Variants in ZNF141 observed in about 807,000 individuals in gnomAD.
ZNF141 encodes zinc finger protein 141 (clone pHZ-44).
ZNF141 carries 7 observed loss-of-function variants against 11.3 expected under a neutral mutation model. The ratio of observed to expected loss-of-function variants is 0.62; its 90% confidence interval spans 0.35 to 1.16. The LOEUF (loss-of-function observed/expected upper bound fraction) is 1.16, where lower values mean the gene tolerates loss of function less well. Ranked by LOEUF, ZNF141 falls within the 50% of genes most tolerant of loss-of-function variation. The pLI is 0.02. For missense variants in ZNF141, 535 were observed against 554.0 expected (o/e 0.97, Z 0.34); for synonymous variants, 183 against 190.7 (o/e 0.96, Z 0.33).
chr4:339,038 T>C (rs999337596), intron 1 of ZNF141, among the ~76,000 whole-genome samples: 3 of 152,202 alleles, frequency 2.0e-5, no homozygotes, highest in African/African-American at 7.2e-5. Flanking sequence ...ATCCCTTCCC[T>C]GCACCCTGCT....
intron 3 of ZNF141, among the ~76,000 whole-genome samples, chr4:357,926 G>A (rs1338598097): frequency 2.6e-5 from 4 of 151,442 alleles, no homozygotes; most frequent in Non-Finnish European, 5.9e-5. Context: ...TCGCCATGTT[G>A]GCCAGGATGG....
At chr4:338,017 TGAG>T (rs1720871655) in intron 1 of ZNF141, 31 bp downstream of exon 1, 1 of 1,612,548 alleles carries the variant, frequency 6.2e-7, no homozygotes, top group African/African-American at 1.3e-5. Flanking sequence ...GTCCCAAGGC[TGAG>T]GAGGTCTCAT....
intron 1 of ZNF141, among the ~76,000 whole-genome samples, chr4:343,536 T>C (rs2108683528): frequency 6.6e-6 from 1 of 151,778 alleles, no homozygotes; most frequent in Non-Finnish European, 1.5e-5. Context: ...CCATCCTGGC[T>C]AATATGGTGA....
intron 1 of ZNF141, 72 bp from the exon 2 acceptor site, chr4:343,710 G>A: frequency 2.3e-6 from 3 of 1,302,780 alleles, no homozygotes; most frequent in Non-Finnish European, 2.0e-6. Flanking sequence ...GGGTGACAGA[G>A]CGAGACTCCG....
chr4:352,880 T>C (rs577333365), intron 3 of ZNF141, among the ~76,000 whole-genome samples: 1 of 152,302 alleles, frequency 6.6e-6, no homozygotes, highest in South Asian at 2.1e-4. Context: ...CCATGATTTA[T>C]AGTCAGTTGC....
At position 373,771 on chromosome 4, in the gene ZNF141, A is replaced by G. The variant is rs1553854127; in HGVS notation, c.1334A>G (p.His445Arg). Residue 445 changes from histidine (H) to arginine (R), a missense_variant, in exon 4 of 4, where the codon CAT becomes CGT. Physicochemically the swap from His to Arg is conservative, Grantham distance 29. Coordinates refer to ENST00000240499, the MANE Select transcript of ZNF141 (RefSeq NM_003441.4). ...CTCCTGAGTCAACATAAGAAAATTC[A>G]TACTGTAGATAAACCCTACAAATGT... Reference protein sequence around the residue: ...FSLLSQHKKIHTVDKPYKCKD... With the variant: ...FSLLSQHKKIRTVDKPYKCKD... The G allele has an allele frequency of 6.2e-7, 1 of 1,614,052 alleles. No individual in the cohort carries two copies. The highest frequency in any genetic ancestry group is 1.3e-5 in the African/African-American group (1 of 74,944).
intron 3 of ZNF141, among the ~76,000 whole-genome samples, chr4:349,727 C>T (rs1236499819): frequency 6.6e-6 from 1 of 152,090 alleles, no homozygotes; most frequent in Non-Finnish European, 1.5e-5. Flanking sequence ...GCTGTGGGGT[C>T]TGCCTTTGAT....
Position 377,749 on chromosome 4 carries a change from G to C in ZNF141, c.*3887G>C, listed in dbSNP as rs1340789010. On this transcript the variant is annotated 3_prime_UTR_variant, in exon 4 of 4. Transcript: ENST00000240499. ...AAATTGTATGAGATTCTATCATAAA[G>C]TGTGTAAAATGTAACAAAAGTTAGA... Among the ~76,000 whole-genome samples the C allele has an allele frequency of 6.6e-6, 1 of 152,210 alleles. No individual in the cohort carries two copies. Among genetic ancestry groups the C allele is most frequent in the African/African-American group, 2.4e-5 (1 of 41,464 alleles).
rs1553855455 is a variant in ZNF141, at chr4:380,770, A to G, written c.*6908A>G. ...AAAATGACTTGCTCACAACACAGGC[A>G]ACTTTGACTCTAGAGATAACACTTA... is the stretch of plus-strand genomic sequence containing the variant. On this transcript the variant is annotated 3_prime_UTR_variant, in exon 4 of 4. Transcript: ENST00000240499. Among the ~76,000 whole-genome samples, 1 of 152,206 alleles carries G rather than the reference A, an allele frequency of 6.6e-6. No homozygotes were observed. The highest frequency in any genetic ancestry group is 2.4e-5 in the African/African-American group (1 of 41,452).
In ZNF141 at chr4:373,999, A is replaced by G. The variant is rs1368200393; in HGVS notation, c.*137A>G. ...GCAAAGTTCTTTACCTCATTCTCAA[A>G]CCTTGATAAACATAAGAGAATTCAT... On this transcript the variant is annotated 3_prime_UTR_variant, in exon 4 of 4. Transcript: ENST00000240499. The G allele has an allele frequency of 1.3e-6, 1 of 764,698 alleles. No individual in the cohort carries two copies. Among genetic ancestry groups the G allele is most frequent in the African/African-American group, 1.7e-5 (1 of 57,204 alleles). 47.4% of individuals were successfully genotyped at this position (764,698 alleles called of 1,614,324 possible).
intron 3 of ZNF141, among the ~76,000 whole-genome samples, chr4:346,893 A>ACACACCCCCC (rs373224939): frequency 3.0e-5 from 4 of 135,434 alleles, no homozygotes; most frequent in Non-Finnish European, 4.6e-5. Context: ...ACACACACAC[A>ACACACCCCCC]CCGCCCCCCC....
chr4:358,183 CTTTTT>C (rs575102486), intron 3 of ZNF141: 49 of 301,744 alleles, frequency 1.6e-4, no homozygotes, highest in Middle Eastern at 1.2e-3. Context: ...GTTTCTCGTT[CTTTTT>C]TTTTTTTTTT....
In ZNF141 at chr4:373,449, C is replaced by G. The variant is rs1230197333; in HGVS notation, c.1012C>G (p.Pro338Ala). ...KHKRIHTGEKPYTCEECGKAF... is the reference protein window; with the variant it reads ...KHKRIHTGEKAYTCEECGKAF... ...TAAGAGAATTCATACTGGAGAGAAACCCTACACATGTGAAGAATGTGGCAA... is the reference window on the plus strand; with the variant it reads ...TAAGAGAATTCATACTGGAGAGAAAGCCTACACATGTGAAGAATGTGGCAA... Residue 338 changes from proline (P) to alanine (A), a missense_variant, in exon 4 of 4, where the codon CCC becomes GCC. By Grantham distance (27) the Pro-to-Ala change is conservative. Coordinates refer to ENST00000240499, the MANE Select transcript of ZNF141 (RefSeq NM_003441.4). The G allele has an allele frequency of 6.2e-7, 1 of 1,613,960 alleles. No homozygotes were observed. Among genetic ancestry groups the G allele is most frequent in the East Asian group, 2.2e-5 (1 of 44,890 alleles).
rs1553854192 is a variant in ZNF141 at position 373,951 on chromosome 4, A to G, written c.*89A>G. The G allele has an allele frequency of 1.7e-6, 2 of 1,206,998 alleles. No individual in the cohort carries two copies. Among genetic ancestry groups the G allele is most frequent in the African/African-American group, 1.5e-5 (1 of 65,400 alleles). 74.8% of individuals were successfully genotyped at this position (1,206,998 alleles called of 1,614,324 possible). On this transcript the variant is annotated 3_prime_UTR_variant, in exon 4 of 4. Transcript: ENST00000240499. ...ATGAGAAAATTTATACTGTAGAGAA[A>G]CCCTGGAAATGTGAAGAACGTGGCA...
chr4:337,860 T>C lies in ZNF141; in HGVS notation c.-124T>C, dbSNP rs529395169. 7.0e-5 allele frequency: 94 copies of C among 1,336,028 alleles called. No individual in the cohort carries two copies. The highest frequency in any genetic ancestry group is 1.8e-4 in the South Asian group (15 of 85,686). 82.8% of individuals were successfully genotyped at this position (1,336,028 alleles called of 1,614,324 possible). ...CAGACCGCGGGTTAGGGGCTTCATC[T>C]CTCTGCGTTCTCAGTTGTGGGAGGC... is the stretch of plus-strand genomic sequence containing the variant. On this transcript the variant is annotated 5_prime_UTR_variant, in exon 1 of 4. Transcript: ENST00000240499.
chr4:361,877 C>T (rs1711514064), intron 3 of ZNF141, among the ~76,000 whole-genome samples: 1 of 152,178 alleles, frequency 6.6e-6, no homozygotes, highest in Admixed American at 6.5e-5. Flanking sequence ...ATTTATAGTC[C>T]TTTGGGTATA....
intron 3 of ZNF141, among the ~76,000 whole-genome samples, chr4:367,035 A>G (rs1711777044): frequency 6.6e-6 from 1 of 152,232 alleles, no homozygotes; most frequent in Admixed American, 6.5e-5. Flanking sequence ...AACTCAACGA[A>G]TTAGGTATAG....
intron 3 of ZNF141, among the ~76,000 whole-genome samples, chr4:350,896 T>C (rs7697421): frequency 0.43 from 65,640 of 151,080 alleles, 14,846 homozygotes; most frequent in African/African-American, 0.57. Context: ...CTTGCCACCA[T>C]GCCCGGCTAA....
At chr4:350,483 G>A (rs1003782736) in intron 3 of ZNF141, among the ~76,000 whole-genome samples, 37 of 152,174 alleles carry the variant, frequency 2.4e-4, no homozygotes, top group African/African-American at 7.2e-4. Flanking sequence ...ATTTCATTGC[G>A]TGTATAAGCC....
Sources: gnomAD v4.1 joint callset for allele counts (sites outside exome capture counted in the v4.1 genomes callset) on GRCh38, gnomAD v4.1.1 for gene constraint, MANE v1.5 for transcripts, NCBI Gene and HGNC (gene_info 2026-07-23, HGNC 2026-07-21) for gene names.